Variants in SLC14A2 observed in about 807,000 individuals in gnomAD.
The protein encoded by SLC14A2 is solute carrier family 14 member 2.
Under a neutral mutation model 104.6 loss-of-function variants are expected in SLC14A2, and 91 were observed. That is an observed-to-expected ratio of 0.87 (90% confidence interval 0.73 to 1.04). The LOEUF (loss-of-function observed/expected upper bound fraction) is 1.04. SLC14A2 is among the 50% of genes least tolerant of loss of function. SLC14A2 has a pLI of 0.00. For missense variants in SLC14A2, 1,189 were observed against 1,156.0 expected (o/e 1.03, Z -0.41); for synonymous variants, 476 against 466.4 (o/e 1.02, Z -0.27).
the SLC14A2 span, among the ~76,000 whole-genome samples, chr18:45,193,159 C>T: frequency 6.6e-6 from 1 of 152,066 alleles, no homozygotes; most frequent in African/African-American, 2.4e-5. Flanking sequence ...CACATATTTG[C>T]CAATATTTTC....
intron 7 of SLC14A2, 122 bp downstream of exon 7, chr18:45,640,015 C>T (rs2045494592): frequency 2.1e-6 from 2 of 942,398 alleles, no homozygotes; most frequent in Non-Finnish European, 3.1e-6. Flanking sequence ...TTCAGGGAGA[C>T]AGGCACGGTG....
rs528896685 is a variant in SLC14A2, at chr18:45,359,926, A to T, written c.-124-123307A>T. 2.6e-5 allele frequency among the ~76,000 whole-genome samples: 4 copies of T among 152,300 alleles called. No homozygotes were observed. The South Asian group carries it at 8.3e-4, about 32-fold the overall frequency. ...TAAAGTTCACATTTCTTAGCTTGGA[A>T]TTCAAGTCTCCCTGATTTCCAAACT... On this transcript the variant is annotated intron_variant, in intron 1 of 20. Coordinates refer to the SLC14A2 transcript ENST00000586448.
intron 1 of SLC14A2, among the ~76,000 whole-genome samples, chr18:45,359,228 T>G (rs1348819497): frequency 1.3e-5 from 2 of 152,178 alleles, no homozygotes; most frequent in African/African-American, 4.8e-5. Flanking sequence ...TAGGGCTGGT[T>G]TGAGCTGAAA....
At chr18:45,316,688 C>A (rs1347381445) in intron 1 of SLC14A2, among the ~76,000 whole-genome samples, 1 of 152,142 alleles carries the variant, frequency 6.6e-6, no homozygotes, top group East Asian at 1.9e-4. Context: ...ACTCTGGGTG[C>A]TCTGGCCTTT....
intron 2 of SLC14A2, among the ~76,000 whole-genome samples, chr18:45,594,608 G>C (rs985657011): frequency 2.6e-5 from 4 of 152,178 alleles, no homozygotes; most frequent in Non-Finnish European, 4.4e-5. Flanking sequence ...CCCAGGCAGA[G>C]TGGGCACAGC....
chr18:45,362,173 G>T (rs190103739), intron 1 of SLC14A2, among the ~76,000 whole-genome samples: 1 of 152,216 alleles, frequency 6.6e-6, no homozygotes, highest in Non-Finnish European at 1.5e-5. Flanking sequence ...GAAGGTACTT[G>T]TTTCTCCTTC....
chr18:45,357,924 C>G (rs956673256), intron 1 of SLC14A2, among the ~76,000 whole-genome samples: 1 of 152,188 alleles, frequency 6.6e-6, no homozygotes, highest in African/African-American at 2.4e-5. Context: ...GGAGACATGA[C>G]AAAGTTAGTG....
At chr18:45,464,963 A>C (rs1168069498) in intron 1 of SLC14A2, among the ~76,000 whole-genome samples, 1 of 152,184 alleles carries the variant, frequency 6.6e-6, no homozygotes, top group Non-Finnish European at 1.5e-5. Context: ...AGTGAGAAGG[A>C]AAGCCAAAAT....
At chr18:45,456,759 T>C (rs970792411) in intron 1 of SLC14A2, among the ~76,000 whole-genome samples, 1 of 152,124 alleles carries the variant, frequency 6.6e-6, no homozygotes, top group African/African-American at 2.4e-5. Flanking sequence ...GACTTTTTTT[T>C]TTTTTTTTGG....
At chr18:45,285,417 A>G (rs2084803486) in intron 1 of SLC14A2, among the ~76,000 whole-genome samples, 1 of 152,128 alleles carries the variant, frequency 6.6e-6, no homozygotes, top group Admixed American at 6.5e-5. Context: ...TATACTTGGA[A>G]CAGATTAAAT....
At chr18:45,321,612 C>T (rs1325873409) in intron 1 of SLC14A2, among the ~76,000 whole-genome samples, 1 of 152,144 alleles carries the variant, frequency 6.6e-6, no homozygotes, top group Non-Finnish European at 1.5e-5. Context: ...TCCCTATAAA[C>T]AGCAGTCCCG....
chr18:45,416,787 C>G (rs1467828196), intron 1 of SLC14A2, among the ~76,000 whole-genome samples: 2 of 152,174 alleles, frequency 1.3e-5, no homozygotes, highest in Non-Finnish European at 2.9e-5. Context: ...GTTTTTTCCT[C>G]TCTCAAATTA....
intron 1 of SLC14A2, among the ~76,000 whole-genome samples, chr18:45,322,168 A>C (rs2085191832): frequency 6.6e-6 from 1 of 152,212 alleles, no homozygotes; most frequent in Non-Finnish European, 1.5e-5. Context: ...CTTTCATCTT[A>C]TTCATTTGAT....
chr18:45,262,106 G>A (rs897642188), intron 1 of SLC14A2, among the ~76,000 whole-genome samples: 5 of 152,200 alleles, frequency 3.3e-5, no homozygotes, highest in African/African-American at 1.2e-4. Context: ...CATTCTAACT[G>A]ATGTGAGATG....
At chr18:45,245,471 G>A (rs1362204798) in intron 1 of SLC14A2, among the ~76,000 whole-genome samples, 2 of 152,116 alleles carry the variant, frequency 1.3e-5, no homozygotes, top group African/African-American at 4.8e-5. Flanking sequence ...GAATTTAACA[G>A]AGCTCTATGC....
At chr18:45,433,980 C>A (rs1387680029) in intron 1 of SLC14A2, among the ~76,000 whole-genome samples, 1 of 152,180 alleles carries the variant, frequency 6.6e-6, no homozygotes, top group Non-Finnish European at 1.5e-5. Context: ...TTACTCAGGG[C>A]TCCTGTGTCT....
intron 1 of SLC14A2, among the ~76,000 whole-genome samples, chr18:45,223,552 C>A (rs192627501): frequency 1.3e-5 from 2 of 152,312 alleles, no homozygotes; most frequent in East Asian, 3.9e-4. Flanking sequence ...GGTCTTCTTT[C>A]CAATGGTTAG....
intron 2 of SLC14A2, among the ~76,000 whole-genome samples, chr18:45,500,087 T>C (rs1199189557): frequency 6.6e-6 from 1 of 152,184 alleles, no homozygotes. Flanking sequence ...AATAAATTGG[T>C]AATAATTGGC....
At chr18:45,189,910 A>G in the SLC14A2 span, among the ~76,000 whole-genome samples, 1 of 152,084 alleles carries the variant, frequency 6.6e-6, no homozygotes, top group African/African-American at 2.4e-5. Flanking sequence ...TTACATTTAG[A>G]TGAGGCCCAG....
Sources: gnomAD v4.1 joint callset for allele counts (sites outside exome capture counted in the v4.1 genomes callset) on GRCh38, gnomAD v4.1.1 for gene constraint, MANE v1.5 for transcripts, NCBI Gene and HGNC (gene_info 2026-07-23, HGNC 2026-07-21) for gene names.